The following OR1J2 variants were observed in gnomAD, a reference collection of about 807,000 sequenced individuals.
The protein encoded by OR1J2 is olfactory receptor 1J2.
For synonymous variants in OR1J2, 142 were observed against 99.7 expected, an observed-to-expected ratio of 1.42 and a Z score of -2.52; for missense variants, 304 against 246.1, an observed-to-expected ratio of 1.24 and a Z score of -1.57.
At chr9:122,558,550 T>C in the OR1J2 span, among the ~76,000 whole-genome samples, 1 of 151,768 alleles carries the variant, frequency 6.6e-6, no homozygotes, top group African/African-American at 2.4e-5. Flanking sequence ...AAGTAATTTC[T>C]TATTATTTTA....
the OR1J2 span, among the ~76,000 whole-genome samples, chr9:122,501,770 T>C: frequency 1.3e-5 from 2 of 152,302 alleles, no homozygotes; most frequent in Admixed American, 1.3e-4. Flanking sequence ...TTTGTATTGC[T>C]CCAGAAGTCA....
chr9:122,540,887 G>A, the OR1J2 span, among the ~76,000 whole-genome samples: 1 of 152,128 alleles, frequency 6.6e-6, no homozygotes, highest in Non-Finnish European at 1.5e-5. Flanking sequence ...AATTGTGAAT[G>A]GGAGTTCACT....
At chr9:122,551,049 A>G in the OR1J2 span, among the ~76,000 whole-genome samples, 2 of 136,058 alleles carry the variant, frequency 1.5e-5, no homozygotes, top group Non-Finnish European at 3.1e-5. Context: ...TGATAAATGA[A>G]TTGAGTAAAG....
At chr9:122,554,281 A>T in the OR1J2 span, 5 of 660,936 alleles carry the variant, frequency 7.6e-6, no homozygotes, top group Non-Finnish European at 9.7e-6. Flanking sequence ...ACTCTGAGTT[A>T]GGGATGTAAA....
At chr9:122,566,144 T>C in the OR1J2 span, among the ~76,000 whole-genome samples, 1 of 152,270 alleles carries the variant, frequency 6.6e-6, no homozygotes, top group East Asian at 1.9e-4. Flanking sequence ...GGACCTAGAA[T>C]GCTGCATCCT....
At chr9:122,522,873 C>T in the OR1J2 span, among the ~76,000 whole-genome samples, 55 of 152,260 alleles carry the variant, frequency 3.6e-4, no homozygotes, top group African/African-American at 1.2e-3. Flanking sequence ...AGTGCCTTAA[C>T]GTAATAACAC....
chr9:122,501,764 T>A, the OR1J2 span, among the ~76,000 whole-genome samples: 19 of 152,238 alleles, frequency 1.2e-4, no homozygotes, highest in Non-Finnish European at 1.9e-4. Flanking sequence ...GTTTAGTTTG[T>A]ATTGCTCCAG....
At chr9:122,463,254 T>C in the OR1J2 span, among the ~76,000 whole-genome samples, 2 of 152,242 alleles carry the variant, frequency 1.3e-5, no homozygotes, top group African/African-American at 4.8e-5. Context: ...CTCTTAAGTG[T>C]GTCCTTCATT....
At chr9:122,526,390 G>A in the OR1J2 span, 3 of 1,507,270 alleles carry the variant, frequency 2.0e-6, no homozygotes, top group Non-Finnish European at 2.7e-6. Flanking sequence ...TGACTGAAGA[G>A]CCTCTTTAGG....
the OR1J2 span, chr9:122,526,321 G>T: frequency 1.5e-6 from 2 of 1,325,650 alleles, no homozygotes; most frequent in Non-Finnish European, 1.0e-6. Context: ...CTGACTCCAA[G>T]CCTATGTCTT....
the OR1J2 span, among the ~76,000 whole-genome samples, chr9:122,532,219 C>T: frequency 4.6e-5 from 7 of 151,834 alleles, no homozygotes; most frequent in Admixed American, 6.6e-5. Flanking sequence ...CTGAATAATC[C>T]CTGAGGAGTA....
At chr9:122,488,837 A>G in the OR1J2 span, among the ~76,000 whole-genome samples, 1 of 148,082 alleles carries the variant, frequency 6.8e-6, no homozygotes, top group Non-Finnish European at 1.5e-5. Flanking sequence ...ACTGTAAGTA[A>G]AGAAAACACA....
At chr9:122,511,930 G>A (rs1300650757), downstream of OR1J2, among the ~76,000 whole-genome samples, 1 of 152,118 alleles carries the variant, frequency 6.6e-6, no homozygotes, top group Non-Finnish European at 1.5e-5. Context: ...ATTCTTTATA[G>A]TTTTTGGTCA....
the OR1J2 span, among the ~76,000 whole-genome samples, chr9:122,530,602 A>G: frequency 6.6e-6 from 1 of 152,110 alleles, no homozygotes; most frequent in Non-Finnish European, 1.5e-5. Flanking sequence ...ATGCTATGGT[A>G]TTTTTCATGC....
upstream of OR1J2, among the ~76,000 whole-genome samples, chr9:122,506,008 C>T (rs1461990872): frequency 6.6e-6 from 1 of 152,150 alleles, no homozygotes; most frequent in African/African-American, 2.4e-5. Context: ...TGTATTTCCT[C>T]ATGTTCACCG....
the OR1J2 span, among the ~76,000 whole-genome samples, chr9:122,563,968 ATGTC>A: frequency 6.6e-6 from 1 of 152,194 alleles, no homozygotes; most frequent in African/African-American, 2.4e-5. Flanking sequence ...CATTATCCAT[ATGTC>A]TGTATTTATG....
At chr9:122,451,026 C>T in the OR1J2 span, among the ~76,000 whole-genome samples, 1 of 152,016 alleles carries the variant, frequency 6.6e-6, no homozygotes, top group Non-Finnish European at 1.5e-5. Flanking sequence ...CCATATTATT[C>T]AATGAGCAGT....
At chr9:122,565,993 G>A in the OR1J2 span, among the ~76,000 whole-genome samples, 1 of 152,100 alleles carries the variant, frequency 6.6e-6, no homozygotes, top group Non-Finnish European at 1.5e-5. Flanking sequence ...TTGGTGTTAG[G>A]GATCTATGGA....
At chr9:122,554,347 C>G in the OR1J2 span, 1 of 558,308 alleles carries the variant, frequency 1.8e-6, no homozygotes, top group South Asian at 2.2e-5. Context: ...GATGTTCTGT[C>G]TCAGCCTCTT....
Sources: allele counts gnomAD v4.1 joint callset (sites outside exome capture counted in the v4.1 genomes callset), GRCh38; gene constraint gnomAD v4.1.1; transcripts MANE v1.5; gene names NCBI Gene and HGNC (gene_info 2026-07-23, HGNC 2026-07-21).